Variants in COBLL1 observed in about 807,000 individuals in gnomAD.
COBLL1 encodes the protein cordon-bleu protein-like 1.
COBLL1 carries 50 observed loss-of-function variants against 94.8 expected under a neutral mutation model. That is an observed-to-expected ratio of 0.53 (90% confidence interval 0.42 to 0.67). The LOEUF (loss-of-function observed/expected upper bound fraction) is 0.67. Among genes scored for constraint, COBLL1 ranks in the 30% least tolerant of loss-of-function variants. The pLI, the probability that COBLL1 is intolerant of heterozygous loss-of-function variation, is 0.00. For missense variants in COBLL1, 1,362 were observed against 1,348.7 expected (o/e 1.01, Z -0.15); for synonymous variants, 448 against 473.8 (o/e 0.95, Z 0.71).
At chr2:164,776,527 C>A (rs1420793244) in intron 2 of COBLL1, among the ~76,000 whole-genome samples, 1 of 151,984 alleles carries the variant, frequency 6.6e-6, no homozygotes, top group Non-Finnish European at 1.5e-5. Flanking sequence ...AATTGCTAAC[C>A]CATCACCCTA....
At chr2:164,749,411 C>G (rs1411459405) in intron 2 of COBLL1, among the ~76,000 whole-genome samples, 1 of 152,130 alleles carries the variant, frequency 6.6e-6, no homozygotes, top group African/African-American at 2.4e-5. Context: ...GTAACCCTCT[C>G]TCAGCACAAA....
intron 13 of COBLL1, among the ~76,000 whole-genome samples, chr2:164,688,751 C>T (rs982809991): frequency 2.0e-5 from 3 of 152,048 alleles, no homozygotes; most frequent in African/African-American, 7.2e-5. Flanking sequence ...ATAAACAATA[C>T]AAGCCAGCAA....
At chr2:164,800,949 A>G (rs1010730807) in intron 2 of COBLL1, among the ~76,000 whole-genome samples, 4 of 152,126 alleles carry the variant, frequency 2.6e-5, no homozygotes, top group Admixed American at 6.6e-5. Flanking sequence ...GAGGGATGGA[A>G]CCAGTCTATG....
chr2:164,818,092 GT>G (rs1378507651), intron 2 of COBLL1, among the ~76,000 whole-genome samples: 1 of 150,876 alleles, frequency 6.6e-6, no homozygotes, highest in African/African-American at 2.4e-5. Context: ...ATGTATATAT[GT>G]ATATACACAC....
At chr2:164,784,368 G>A (rs891237190) in intron 2 of COBLL1, among the ~76,000 whole-genome samples, 3 of 152,032 alleles carry the variant, frequency 2.0e-5, no homozygotes, top group Non-Finnish European at 2.9e-5. Flanking sequence ...TCTGCATTTT[G>A]TATCTCTAAA....
At position 164,841,380 on chromosome 2, in the gene COBLL1, C is replaced by T. The variant is rs1003439908; in HGVS notation, c.-50-134G>A. 1 of 1,180,738 alleles carries T rather than the reference C, an allele frequency of 8.5e-7. No homozygotes were observed. The highest frequency in any genetic ancestry group is 1.0e-6 in the Non-Finnish European group (1 of 955,692). 73.1% of individuals were successfully genotyped at this position (1,180,738 alleles called of 1,614,324 possible). On this transcript the variant is annotated intron_variant, in intron 1 of 13. Coordinates refer to ENST00000652658, the MANE Select transcript of COBLL1 (RefSeq NM_001365672.2). This position sits in a 1 kb window ranked among gnomAD's most constrained non-coding sequence, Gnocchi z 5.5. ...GCCCGCCTCCCGGGTGCGCTTCCAC[C>T]TGCGGGCCCCGGCTCCCAGCCCGCG...
In COBLL1 at chr2:164,682,789, C is replaced by G. The variant is rs181958847; in HGVS notation, c.*3157G>C. The G allele has an allele frequency of 6.6e-6, 1 of 152,092 alleles. No individual in the cohort carries two copies. The highest frequency in any genetic ancestry group is 2.4e-5 in the African/African-American group (1 of 41,502). 9.4% of individuals were successfully genotyped at this position (152,092 alleles called of 1,614,324 possible). A position where few individuals can be genotyped will look rare whatever the true frequency, so the allele number is the denominator to read the frequency against. On this transcript the variant is annotated 3_prime_UTR_variant, in exon 14 of 14. Transcript: ENST00000652658. ...ATAGAGAAAGTAATTTGCCCAAGAT[C>G]CCATGACTCATAAGTGGCAGACTTG...
chr2:164,687,652 C>A, intron 13 of COBLL1: 1 of 889,156 alleles, frequency 1.1e-6, no homozygotes, highest in South Asian at 1.3e-5. Flanking sequence ...GGCCTATTAT[C>A]AAGGTCCCTT....
chr2:164,782,459 G>A (rs991516428), intron 2 of COBLL1, among the ~76,000 whole-genome samples: 8 of 151,792 alleles, frequency 5.3e-5, no homozygotes, highest in African/African-American at 1.7e-4. Flanking sequence ...TTTTGCAATC[G>A]GTGACATCAT....
chr2:164,676,593 T>C (rs1181937919), downstream of COBLL1, among the ~76,000 whole-genome samples: 2 of 152,176 alleles, frequency 1.3e-5, no homozygotes, highest in East Asian at 3.9e-4. Context: ...TGTACCAGAT[T>C]ACCAACTCTT....
chr2:164,695,412 T>C lies in COBLL1; in HGVS notation c.1980A>G (p.Gln660=), dbSNP rs149530470. The part of the protein sequence containing the change: ...SVNTSREFRS[Q]GTLIIHSEDP... ...CTTCTGAATGTATAATTAGGGTGCC[T>C]TGACTCCTGAATTCCCTTGAGGTAT... The change falls in exon 12 of 14, where the codon CAA becomes CAG. Residue 660 remains glutamine, a synonymous_variant. Coordinates refer to ENST00000652658, the MANE Select transcript of COBLL1 (RefSeq NM_001365672.2). 1,715 of 1,613,928 alleles carry C rather than the reference T, an allele frequency of 1.1e-3. 8 individuals carry two copies. The Middle Eastern group carries it at 0.012, about 12-fold the overall frequency.
At chr2:164,803,564 C>CAA (rs368867904) in intron 2 of COBLL1, among the ~76,000 whole-genome samples, 14 of 140,990 alleles carry the variant, frequency 9.9e-5, no homozygotes, top group Admixed American at 7.9e-4. Flanking sequence ...GACTCTGTCT[C>CAA]AAAAATAAAT....
chr2:164,693,865 T>C (rs2105426448), intron 12 of COBLL1, among the ~76,000 whole-genome samples: 1 of 152,282 alleles, frequency 6.6e-6, no homozygotes, highest in African/African-American at 2.4e-5. Flanking sequence ...CTATTATTTT[T>C]CCATTTCATT....
chr2:164,800,991 T>A (rs1021151063), intron 2 of COBLL1, among the ~76,000 whole-genome samples: 4 of 152,160 alleles, frequency 2.6e-5, no homozygotes, highest in Admixed American at 6.5e-5. Context: ...TGTAAACATG[T>A]GCATGGGTTA....
chr2:164,745,913 C>T (rs1021303038), intron 2 of COBLL1, among the ~76,000 whole-genome samples: 2 of 152,062 alleles, frequency 1.3e-5, no homozygotes, highest in Non-Finnish European at 2.9e-5. Context: ...AGTAAGAGAA[C>T]TCAGTAAGGT....
chr2:164,801,827 C>A (rs1339955940), intron 2 of COBLL1, among the ~76,000 whole-genome samples: 2 of 152,128 alleles, frequency 1.3e-5, no homozygotes, highest in Non-Finnish European at 2.9e-5. Context: ...ATATTTATGT[C>A]TATTATCTGT....
chr2:164,814,565 G>A (rs1209299560), intron 2 of COBLL1, among the ~76,000 whole-genome samples: 1 of 152,048 alleles, frequency 6.6e-6, no homozygotes, highest in Non-Finnish European at 1.5e-5. Flanking sequence ...CTGACGGAGA[G>A]TAAAACAATA....
intron 2 of COBLL1, chr2:164,665,818 C>T (rs537504113): frequency 3.1e-4 from 47 of 152,236 alleles, no homozygotes; most frequent in African/African-American, 1.0e-3. Context: ...AACTATTTAA[C>T]CAAACACATA....
In COBLL1 at chr2:164,704,868, T is replaced by A; in HGVS notation, c.1150+84A>T. ...AAGCCTAAGTATTATTTAAAAAGCA[T>A]AACTTACATACCCATATCTTTCCTA... On this transcript the variant is annotated intron_variant, in intron 8 of 13. Transcript: ENST00000652658. The A allele has an allele frequency of 3.0e-6, 4 of 1,327,496 alleles. No homozygotes were observed. In the Middle Eastern group the frequency reaches 7.7e-4, roughly 255 times the overall value. 82.2% of individuals were successfully genotyped at this position (1,327,496 alleles called of 1,614,324 possible). A position where few individuals can be genotyped will look rare whatever the true frequency, so the allele number is the denominator to read the frequency against.
Sources: allele counts gnomAD v4.1 joint callset (sites outside exome capture counted in the v4.1 genomes callset), GRCh38; gene constraint gnomAD v4.1.1; non-coding constraint Gnocchi (gnomAD v3.1); transcripts MANE v1.5; gene names NCBI Gene and HGNC (gene_info 2026-07-23, HGNC 2026-07-21).